TBC1D32: variants seen among roughly 807,000 people sequenced by gnomAD.
TBC1D32 encodes the protein protein broad-minded.
Under a neutral mutation model 170.3 loss-of-function variants are expected in TBC1D32, and 151 were observed. The ratio of observed to expected loss-of-function variants is 0.89; its 90% CI spans 0.78 to 1.01. TBC1D32 has a LOEUF of 1.01. Ranked by LOEUF, TBC1D32 falls within the 50% of genes least tolerant of loss-of-function variation. The pLI, the probability that TBC1D32 is intolerant of heterozygous loss-of-function variation, is 0.00. For synonymous variants in TBC1D32, 498 were observed against 488.0 expected (o/e 1.02, Z -0.27); for missense variants, 1,464 against 1,457.1 (o/e 1.00, Z -0.08).
At chr6:121,286,530 T>G (rs1234802474) in intron 12 of TBC1D32, among the ~76,000 whole-genome samples, 1 of 152,024 alleles carries the variant, frequency 6.6e-6, no homozygotes, top group East Asian at 1.9e-4. Context: ...GTCTGATTGG[T>G]GTACCTGAAA....
chr6:121,304,289 C>T, intron 8 of TBC1D32, 76 bp downstream of exon 8: 2 of 1,360,832 alleles, frequency 1.5e-6, no homozygotes, highest in Non-Finnish European at 2.1e-6. Flanking sequence ...ACTGTCTTTA[C>T]TCTTTCTGTC....
At chr6:121,227,573 A>G (rs1303222936) in intron 20 of TBC1D32, among the ~76,000 whole-genome samples, 2 of 130,190 alleles carry the variant, frequency 1.5e-5, no homozygotes, top group African/African-American at 2.8e-5. Context: ...AAATAATATT[A>G]AGAGTTTTCT....
chr6:121,092,913 T>A (rs1376222469), intron 30 of TBC1D32, among the ~76,000 whole-genome samples: 8 of 152,126 alleles, frequency 5.3e-5, no homozygotes, highest in Non-Finnish European at 1.0e-4. Flanking sequence ...AGGGTATTAT[T>A]GAATTTTTGT....
At position 121,334,273 on chromosome 6, in the gene TBC1D32, T is replaced by C; in HGVS notation, c.155+3A>G. On this transcript the variant is annotated splice_donor_region_variant and intron_variant, in intron 1 of 31. Coordinates refer to ENST00000398212, the MANE Select transcript of TBC1D32 (RefSeq NM_152730.6). ...AGGCTTAAAACATCAAAAGCAATTT[T>C]ACTTGTGAAAATTTTCATCAGTTTC... 2 of 1,613,852 alleles carry C rather than the reference T, an allele frequency of 1.2e-6. No individual in the cohort carries two copies. The highest frequency in any genetic ancestry group is 1.7e-6 in the Non-Finnish European group (2 of 1,179,784).
chr6:121,327,365 T>C (rs1406479402), intron 1 of TBC1D32, among the ~76,000 whole-genome samples: 1 of 152,240 alleles, frequency 6.6e-6, no homozygotes, highest in Admixed American at 6.5e-5. Flanking sequence ...CCTGATAGTA[T>C]TGGTGCTATG....
At chr6:121,099,407 A>G (rs1431464859) in intron 30 of TBC1D32, among the ~76,000 whole-genome samples, 2 of 151,976 alleles carry the variant, frequency 1.3e-5, no homozygotes, top group Non-Finnish European at 2.9e-5. Flanking sequence ...AATTACCAAA[A>G]GAAACTATAC....
intron 20 of TBC1D32, among the ~76,000 whole-genome samples, chr6:121,224,723 C>A (rs1794877920): frequency 6.6e-6 from 1 of 152,068 alleles, no homozygotes. Flanking sequence ...TGTTATATCT[C>A]CTCCCTTAGT....
At chr6:121,214,087 A>G (rs567640455) in intron 21 of TBC1D32, among the ~76,000 whole-genome samples, 2 of 152,368 alleles carry the variant, frequency 1.3e-5, no homozygotes, top group East Asian at 3.9e-4. Flanking sequence ...CCATAAGCAG[A>G]AAATTGAAAC....
chr6:121,310,764 A>G lies in TBC1D32; in HGVS notation c.564+15T>C. 2.0e-6 allele frequency: 3 copies of G among 1,489,822 alleles called. No individual in the cohort carries two copies. The South Asian group carries it at 3.6e-5, about 18-fold the overall frequency. The allele number at this position is 1,489,822 out of a possible 1,614,324, so 92.3% of individuals were successfully genotyped here. On this transcript the variant is annotated intron_variant, in intron 4 of 31. Transcript: ENST00000398212. Reference sequence around the variant, plus strand: ...TGTTATCTGCATGAACTTGACAGCTATCCTTGAAACTTACCTCTTTAGGTT... The same window carrying G: ...TGTTATCTGCATGAACTTGACAGCTGTCCTTGAAACTTACCTCTTTAGGTT...
intron 21 of TBC1D32, among the ~76,000 whole-genome samples, chr6:121,205,885 T>G (rs1792190110): frequency 6.6e-6 from 1 of 152,202 alleles, no homozygotes; most frequent in South Asian, 2.1e-4. Flanking sequence ...CACTGACAAT[T>G]TTAGCCAACC....
intron 22 of TBC1D32, among the ~76,000 whole-genome samples, chr6:121,192,111 C>A (rs562603049): frequency 7.0e-6 from 1 of 143,022 alleles, no homozygotes; most frequent in South Asian, 2.2e-4. Flanking sequence ...TCTGGGGAAC[C>A]CTGACTAATA....
intron 30 of TBC1D32, among the ~76,000 whole-genome samples, chr6:121,098,475 G>A (rs896965762): frequency 2.0e-5 from 3 of 151,802 alleles, no homozygotes; most frequent in Non-Finnish European, 4.4e-5. Flanking sequence ...TTCATTGATC[G>A]TGAATTTCTC....
At chr6:121,103,654 A>C (rs1227844556) in intron 30 of TBC1D32, among the ~76,000 whole-genome samples, 1 of 151,788 alleles carries the variant, frequency 6.6e-6, no homozygotes, top group Non-Finnish European at 1.5e-5. Context: ...TAATGGGTGC[A>C]GAACACCAAC....
At chr6:121,226,803 G>C (rs971758877) in intron 20 of TBC1D32, among the ~76,000 whole-genome samples, 8 of 152,098 alleles carry the variant, frequency 5.3e-5, no homozygotes, top group Non-Finnish European at 1.2e-4. Flanking sequence ...TAATTTAACT[G>C]CTGTCATTAT....
chr6:121,229,768 T>C (rs1209581162), intron 20 of TBC1D32, among the ~76,000 whole-genome samples: 2 of 152,176 alleles, frequency 1.3e-5, no homozygotes, highest in Non-Finnish European at 2.9e-5. Flanking sequence ...GGTAGAGTTC[T>C]GATATGGTTT....
rs754471541 is a variant in TBC1D32, at chr6:121,334,459, T to A, written c.-29A>T. The A allele has an allele frequency of 1.2e-6, 2 of 1,603,556 alleles. No homozygotes were observed. The highest frequency in any genetic ancestry group is 1.7e-6 in the Non-Finnish European group (2 of 1,174,594). On this transcript the variant is annotated 5_prime_UTR_variant, in exon 1 of 32. Coordinates refer to ENST00000398212, the MANE Select transcript of TBC1D32 (RefSeq NM_152730.6). ...GTTGGAATCAAACGTCCACTCTCAT[T>A]ACTCCAGGTCCGAGCAAAAGCCGCG... is the stretch of plus-strand genomic sequence containing the variant.
chr6:121,105,030 A>G, intron 30 of TBC1D32, among the ~76,000 whole-genome samples: 1 of 152,016 alleles, frequency 6.6e-6, no homozygotes, highest in Middle Eastern at 3.4e-3. Context: ...CAAAGTTACA[A>G]TAAGTAATAT....
chr6:121,150,351 A>C (rs1271023374), intron 24 of TBC1D32, among the ~76,000 whole-genome samples: 1 of 152,178 alleles, frequency 6.6e-6, no homozygotes, highest in Non-Finnish European at 1.5e-5. Flanking sequence ...CCCAGGGATG[A>C]AGCCGACTTG....
chr6:121,094,326 C>A (rs1173839856), intron 30 of TBC1D32, among the ~76,000 whole-genome samples: 19 of 151,908 alleles, frequency 1.3e-4, no homozygotes, highest in African/African-American at 4.4e-4. Flanking sequence ...TGCCAAGACC[C>A]CAGCTAATTT....
Sources: allele counts gnomAD v4.1 joint callset (sites outside exome capture counted in the v4.1 genomes callset), GRCh38; gene constraint gnomAD v4.1.1; transcripts MANE v1.5; gene names NCBI Gene and HGNC (gene_info 2026-07-23, HGNC 2026-07-21).